Variants in NXPE2 observed in about 807,000 individuals in gnomAD.
The protein encoded by NXPE2 is neurexophilin and PC-esterase domain family member 2.
A neutral mutation model predicts 34.4 loss-of-function variants in NXPE2; 34 were observed. The observed-to-expected ratio is 0.99, with a 90% CI of 0.75 to 1.31. The LOEUF is 1.31. Ranked by LOEUF, NXPE2 falls within the 40% of genes most tolerant of loss-of-function variation. The pLI, the probability that NXPE2 is intolerant of heterozygous loss-of-function variation, is 0.00. For missense variants in NXPE2, 649 were observed against 672.5 expected (o/e 0.97, Z 0.39); for synonymous variants, 235 against 231.3 (o/e 1.02, Z -0.15).
the NXPE2 span, chr11:114,582,593 G>C: frequency 9.3e-6 from 15 of 1,614,048 alleles, no homozygotes; most frequent in Non-Finnish European, 1.3e-5. Context: ...GAGACAGAGA[G>C]ACCTGGCCCT....
At chr11:114,477,003 C>T in the NXPE2 span, among the ~76,000 whole-genome samples, 1 of 152,184 alleles carries the variant, frequency 6.6e-6, no homozygotes, top group Admixed American at 6.6e-5. Context: ...CAAAGACTTG[C>T]ACATGAGTGT....
the NXPE2 span, among the ~76,000 whole-genome samples, chr11:114,573,789 G>A: frequency 1.1e-4 from 16 of 152,022 alleles, no homozygotes; most frequent in Admixed American, 2.6e-4. Flanking sequence ...CACTGACAGC[G>A]CTAGACTGGT....
chr11:114,747,626 G>T, the NXPE2 span, among the ~76,000 whole-genome samples: 3 of 152,136 alleles, frequency 2.0e-5, no homozygotes, highest in African/African-American at 7.2e-5. Flanking sequence ...GAGAGAGAGG[G>T]CAAGGGGGGA....
the NXPE2 span, among the ~76,000 whole-genome samples, chr11:114,467,752 T>C: frequency 1.0e-3 from 155 of 151,700 alleles, no homozygotes; most frequent in African/African-American, 3.6e-3. Context: ...CTGGGAAACA[T>C]GGTGAAACCC....
At chr11:114,640,391 C>T in the NXPE2 span, among the ~76,000 whole-genome samples, 4 of 150,216 alleles carry the variant, frequency 2.7e-5, no homozygotes, top group East Asian at 5.8e-4. Flanking sequence ...CTCATGTGTT[C>T]GTCAGTTGTG....
chr11:114,534,248 C>A, the NXPE2 span, among the ~76,000 whole-genome samples: 5 of 152,184 alleles, frequency 3.3e-5, no homozygotes, highest in Non-Finnish European at 7.4e-5. Flanking sequence ...GGAAAACTAA[C>A]AAACAGAAAG....
At chr11:114,658,878 G>C in the NXPE2 span, among the ~76,000 whole-genome samples, 1 of 152,262 alleles carries the variant, frequency 6.6e-6, no homozygotes, top group East Asian at 1.9e-4. Flanking sequence ...TCTCCCAGTA[G>C]GCTAGGCAGC....
At chr11:114,596,886 G>C in the NXPE2 span, among the ~76,000 whole-genome samples, 1 of 152,164 alleles carries the variant, frequency 6.6e-6, no homozygotes, top group African/African-American at 2.4e-5. Flanking sequence ...AGATATGCTT[G>C]ACTTAAAGAA....
In NXPE2 at chr11:114,706,470, T is replaced by C; in HGVS notation, c.1220T>C (p.Leu407Ser). ...CTTCTGGATGTTGAAAGACATATTTTGATTCAGTGGAAAAAACATGGTCAT... is the reference window on the plus strand; with the variant it reads ...CTTCTGGATGTTGAAAGACATATTTCGATTCAGTGGAAAAAACATGGTCAT... ...HVLLDVERHI[L>S]IQWKKHGHPF... The change falls in exon 6 of 6, where the codon TTG (leucine) becomes TCG (serine). Residue 407 changes from leucine to serine, a missense_variant. Physicochemically the swap from Leu to Ser is moderately radical, Grantham distance 145. Coordinates refer to ENST00000389586, the MANE Select transcript of NXPE2 (RefSeq NM_182495.6). The C allele has an allele frequency of 6.4e-7, 1 of 1,551,772 alleles. No individual in the cohort carries two copies. Among genetic ancestry groups the C allele is most frequent in the Non-Finnish European group, 8.7e-7 (1 of 1,146,924 alleles).
the NXPE2 span, among the ~76,000 whole-genome samples, chr11:114,638,081 C>G: frequency 6.6e-6 from 1 of 151,350 alleles, no homozygotes; most frequent in Non-Finnish European, 1.5e-5. Context: ...TTCCATTCAC[C>G]CCGTCACTTT....
At chr11:114,508,267 AT>A in the NXPE2 span, among the ~76,000 whole-genome samples, 1 of 152,214 alleles carries the variant, frequency 6.6e-6, no homozygotes, top group East Asian at 1.9e-4. Context: ...ATGGGAAAAC[AT>A]TTCATGCTCA....
the NXPE2 span, among the ~76,000 whole-genome samples, chr11:114,532,645 A>G: frequency 6.6e-6 from 1 of 152,196 alleles, no homozygotes; most frequent in Admixed American, 6.5e-5. Flanking sequence ...GGTAAGTATG[A>G]TACAAGAAAA....
chr11:114,506,112 T>TAAA, the NXPE2 span, among the ~76,000 whole-genome samples: 2 of 134,432 alleles, frequency 1.5e-5, no homozygotes, highest in East Asian at 2.1e-4. Flanking sequence ...CAAGAAATAT[T>TAAA]AAAAAAAAAA....
chr11:114,552,762 A>C, the NXPE2 span: 196 of 416,382 alleles, frequency 4.7e-4, no homozygotes, highest in African/African-American at 3.6e-3. Flanking sequence ...AAAAAAAAGT[A>C]TGATTGCTAT....
At chr11:114,587,686 C>T in the NXPE2 span, among the ~76,000 whole-genome samples, 3 of 152,202 alleles carry the variant, frequency 2.0e-5, no homozygotes, top group African/African-American at 7.2e-5. Flanking sequence ...GGGATGCCCC[C>T]ACTGTCTTCC....
At chr11:114,523,106 A>G in the NXPE2 span, 1 of 1,586,970 alleles carries the variant, frequency 6.3e-7, no homozygotes, top group Non-Finnish European at 8.6e-7. Flanking sequence ...TAACAAAGAC[A>G]CTCGTAAATG....
the NXPE2 span, among the ~76,000 whole-genome samples, chr11:114,548,991 G>A: frequency 5.8e-4 from 88 of 152,012 alleles, no homozygotes; most frequent in Non-Finnish European, 9.7e-4. Context: ...AGGGGGAAAA[G>A]TTTAAAAGTA....
At chr11:114,577,045 T>TTATA in the NXPE2 span, among the ~76,000 whole-genome samples, 1 of 25,838 alleles carries the variant, frequency 3.9e-5, no homozygotes, top group African/African-American at 1.9e-4. Flanking sequence ...ATATATAAAG[T>TTATA]TATATATATA....
At chr11:114,697,380 C>A (rs890158812) in intron 2 of NXPE2, among the ~76,000 whole-genome samples, 1 of 152,210 alleles carries the variant, frequency 6.6e-6, no homozygotes, top group African/African-American at 2.4e-5. Context: ...AGTTAGGAGA[C>A]ATGTATGGAA....
Sources: allele counts gnomAD v4.1 joint callset (sites outside exome capture counted in the v4.1 genomes callset), GRCh38; gene constraint gnomAD v4.1.1; transcripts MANE v1.5; gene names NCBI Gene and HGNC (gene_info 2026-07-23, HGNC 2026-07-21).